The following RAE1 variants were observed in gnomAD, a reference collection of about 807,000 sequenced individuals.
The protein encoded by RAE1 is ribonucleic acid export 1.
RAE1 carries 13 observed loss-of-function variants against 52.7 expected under a neutral mutation model. That is an observed-to-expected ratio of 0.25 (90% CI 0.16 to 0.39). The LOEUF is 0.39. RAE1 is among the 10% of genes least tolerant of loss of function. The pLI, the probability that RAE1 is intolerant of heterozygous loss-of-function variation, is 1.00. For synonymous variants in RAE1, 164 were observed against 153.1 expected, an observed-to-expected ratio of 1.07 and a Z score of -0.52; for missense variants, 262 against 459.8, an observed-to-expected ratio of 0.57 and a Z score of 3.93.
At chr20:57,377,005 G>GT (rs1349983476) in intron 11 of RAE1, among the ~76,000 whole-genome samples, 1 of 152,174 alleles carries the variant, frequency 6.6e-6, no homozygotes, top group Non-Finnish European at 1.5e-5. Context: ...TGCTTCAGGG[G>GT]TTTTTCATTG....
At chr20:57,352,624 AATGTTCTCTCC>A (rs1217226691) in intron 1 of RAE1, among the ~76,000 whole-genome samples, 2 of 152,234 alleles carry the variant, frequency 1.3e-5, no homozygotes, top group African/African-American at 4.8e-5. Context: ...TAATGGCAGA[AATGTTCTCTCC>A]CAACTTGAAG....
At chr20:57,367,144 G>A in intron 7 of RAE1, 65 bp downstream of exon 7, 1 of 1,357,024 alleles carries the variant, frequency 7.4e-7, no homozygotes, top group East Asian at 2.3e-5. Context: ...TTCTCACCTT[G>A]TGGCGTCCTG....
At chr20:57,355,406 T>A (rs981466323) in intron 3 of RAE1, among the ~76,000 whole-genome samples, 1 of 152,156 alleles carries the variant, frequency 6.6e-6, no homozygotes, top group Non-Finnish European at 1.5e-5. Flanking sequence ...TTAACAAAAT[T>A]AAAAGTTTAA....
rs533588135 is a variant in RAE1 at position 57,360,820 on chromosome 20, G to A, written c.288+4282G>A. Among the ~76,000 whole-genome samples, 9 of 152,266 alleles carry A rather than the reference G, an allele frequency of 5.9e-5. No homozygotes were observed. In the East Asian group the frequency reaches 1.7e-3, roughly 29 times the overall value. ...GTTTATTACTAGATTTAACACTGCT[G>A]TTTCCTGTGGGGGTGTGGTTGAGCA... On this transcript the variant is annotated intron_variant, in intron 4 of 11. Transcript: ENST00000395841.
chr20:57,358,980 C>T, intron 4 of RAE1: 1 of 1,501,814 alleles, frequency 6.7e-7, no homozygotes, highest in Non-Finnish European at 8.8e-7. Context: ...TCCGCCTCTT[C>T]ACGGATAGAT....
intron 10 of RAE1, 82 bp downstream of exon 10, chr20:57,373,820 A>G (rs2067071642): frequency 2.1e-6 from 3 of 1,399,388 alleles, no homozygotes; most frequent in South Asian, 1.2e-5. Flanking sequence ...GGATCAGAAA[A>G]GACTCATCAC....
chr20:57,362,594 T>C (rs548896536), intron 4 of RAE1, among the ~76,000 whole-genome samples: 5 of 152,280 alleles, frequency 3.3e-5, no homozygotes, highest in Admixed American at 3.3e-4. Flanking sequence ...CTAATGGCTA[T>C]TGGAATTTAT....
chr20:57,352,959 G>A (rs533000205), intron 1 of RAE1, among the ~76,000 whole-genome samples: 132 of 152,324 alleles, frequency 8.7e-4, no homozygotes, highest in African/African-American at 2.9e-3. Flanking sequence ...AAATGTACAT[G>A]TGCTTGTAGC....
intron 2 of RAE1, 69 bp downstream of exon 2, chr20:57,354,197 C>A: frequency 1.5e-6 from 2 of 1,370,018 alleles, no homozygotes; most frequent in Non-Finnish European, 2.1e-6. Flanking sequence ...AAGGACAGAA[C>A]CCGAGATGAC....
chr20:57,356,562 G>A, intron 4 of RAE1, 24 bp downstream of exon 4: 1 of 1,573,962 alleles, frequency 6.4e-7, no homozygotes, highest in Non-Finnish European at 8.7e-7. Flanking sequence ...CATTTCTCGT[G>A]TTCCATTTTA....
chr20:57,357,522 T>C (rs988822541), intron 4 of RAE1: 1 of 152,194 alleles, frequency 6.6e-6, no homozygotes, highest in Non-Finnish European at 1.5e-5. Context: ...TCATAAAAGA[T>C]GTACGAGTTG....
chr20:57,374,890 C>T (rs758727608), intron 11 of RAE1, 89 bp downstream of exon 11: 2 of 1,436,896 alleles, frequency 1.4e-6, no homozygotes, highest in South Asian at 1.2e-5. Flanking sequence ...TGTGACTCTT[C>T]TCAGGACTCA....
chr20:57,371,993 T>C (rs964273064), intron 8 of RAE1: 1 of 152,226 alleles, frequency 6.6e-6, no homozygotes, highest in African/African-American at 2.4e-5. Context: ...AAGGGTGGAA[T>C]GGCGGTCATC....
rs1288158331 is a variant in RAE1 at position 57,379,082 on chromosome 20, T to C, written c.*983T>C. 2.6e-5 allele frequency: 4 copies of C among 152,240 alleles called. No homozygotes were observed. The highest frequency in any genetic ancestry group is 9.6e-5 in the African/African-American group (4 of 41,458). 9.4% of individuals were successfully genotyped at this position (152,240 alleles called of 1,614,324 possible). A position where few individuals can be genotyped will look rare whatever the true frequency, so the allele number is the denominator to read the frequency against. On this transcript the variant is annotated 3_prime_UTR_variant, in exon 12 of 12. Transcript: ENST00000395841. Reference sequence around the variant, plus strand: ...ATCTCAAATGCTTCTTAGGCCTTTCTGTTTGGACTAATGTGTGAAGTCTGA... The same window carrying C: ...ATCTCAAATGCTTCTTAGGCCTTTCCGTTTGGACTAATGTGTGAAGTCTGA...
rs1241293943 is a variant in RAE1 at position 57,378,205 on chromosome 20, T to G, written c.*106T>G. 1.1e-6 allele frequency: 1 copy of G among 925,426 alleles called. No individual in the cohort carries two copies. Among genetic ancestry groups the G allele is most frequent in the Admixed American group, 2.8e-5 (1 of 35,938 alleles). The allele number at this position is 925,426 out of a possible 1,614,324, so 57.3% of individuals were successfully genotyped here. A position where few individuals can be genotyped will look rare whatever the true frequency, so the allele number is the denominator to read the frequency against. ...TGGGTTGTCAGCCATGGACATGGAT[T>G]TCAACCCCTGGAGAAAACGATGTCA... On this transcript the variant is annotated 3_prime_UTR_variant, in exon 12 of 12. Transcript: ENST00000395841.
At chr20:57,365,691 A>T (rs2066945539) in intron 5 of RAE1, among the ~76,000 whole-genome samples, 1 of 152,126 alleles carries the variant, frequency 6.6e-6, no homozygotes. Context: ...AGTCATAAGG[A>T]GTTAGTGACA....
At chr20:57,367,617 G>A (rs1176360355) in intron 7 of RAE1, among the ~76,000 whole-genome samples, 3 of 151,768 alleles carry the variant, frequency 2.0e-5, no homozygotes, top group Non-Finnish European at 4.4e-5. Flanking sequence ...GCGCACGTCT[G>A]TAATCCTAGC....
chr20:57,363,074 G>A (rs1482770617), intron 4 of RAE1, among the ~76,000 whole-genome samples: 1 of 152,206 alleles, frequency 6.6e-6, no homozygotes, highest in Non-Finnish European at 1.5e-5. Context: ...GAGCCACCAC[G>A]CCTGGCCAGC....
At chr20:57,351,657 C>T in intron 1 of RAE1, 1 of 985,560 alleles carries the variant, frequency 1.0e-6, no homozygotes, top group Middle Eastern at 5.2e-4. Flanking sequence ...GGAAGGGTCA[C>T]ATTGCGTTAA....
Sources: allele counts gnomAD v4.1 joint callset (sites outside exome capture counted in the v4.1 genomes callset), GRCh38; gene constraint gnomAD v4.1.1; transcripts MANE v1.5; gene names NCBI Gene and HGNC (gene_info 2026-07-23, HGNC 2026-07-21).